The following LARP1B variants were observed in gnomAD, a reference collection of about 807,000 sequenced individuals.
The protein encoded by LARP1B is la-related protein 1B.
Under a neutral mutation model 114.2 loss-of-function variants are expected in LARP1B, and 76 were observed. The observed-to-expected ratio is 0.67, with a 90% CI of 0.55 to 0.81. The LOEUF (loss-of-function observed/expected upper bound fraction) is 0.81, where lower values mean the gene tolerates loss of function less well. Ranked by LOEUF, LARP1B falls within the 30% of genes least tolerant of loss-of-function variation. LARP1B has a pLI of 0.00. For synonymous variants in LARP1B, 345 were observed against 348.0 expected (o/e 0.99, Z 0.10); for missense variants, 1,014 against 1,075.8 (o/e 0.94, Z 0.80).
intron 1 of LARP1B, among the ~76,000 whole-genome samples, chr4:128,071,666 C>T (rs1765423959): frequency 6.6e-6 from 1 of 150,662 alleles, no homozygotes; most frequent in African/African-American, 2.4e-5. Context: ...AGGTGATCCA[C>T]CTGCCTCAGC....
In LARP1B at chr4:128,140,852, G is replaced by C. The variant is rs1264808670; in HGVS notation, c.1524+18664G>C. The stretch of plus-strand genomic sequence containing the variant: ...TTTTTTTTTGGCAGAGTCTTGCTCT[G>C]TCGCCCAGGCTAGAGTGCAGTGGCG... On this transcript the variant is annotated intron_variant, in intron 11 of 19. Coordinates refer to ENST00000326639, the MANE Select transcript of LARP1B (RefSeq NM_018078.4). 4.3e-4 allele frequency among the ~76,000 whole-genome samples: 62 copies of C among 143,480 alleles called. 1 individual carries two copies. Among genetic ancestry groups the C allele is most frequent in the Non-Finnish European group, 1.5e-5 (1 of 65,720 alleles). The allele number at this position is 143,480 out of a possible 152,430, so 94.1% of individuals were successfully genotyped here. A position where few individuals can be genotyped will look rare whatever the true frequency, so the allele number is the denominator to read the frequency against.
At chr4:128,160,436 G>T (rs772196891) in intron 11 of LARP1B, among the ~76,000 whole-genome samples, 1 of 152,144 alleles carries the variant, frequency 6.6e-6, no homozygotes, top group Non-Finnish European at 1.5e-5. Flanking sequence ...CTTCTAGGGT[G>T]CTAATAATTG....
chr4:128,078,092 C>T (rs1403755163), intron 4 of LARP1B, 130 bp downstream of exon 4: 9 of 582,812 alleles, frequency 1.5e-5, no homozygotes, highest in South Asian at 4.8e-5. Context: ...AAACAATCTG[C>T]AGAGGTAACT....
chr4:128,155,568 G>C (rs1327099970), intron 11 of LARP1B: 1 of 825,416 alleles, frequency 1.2e-6, no homozygotes, highest in Non-Finnish European at 2.2e-6. Context: ...ATTTTCTGGG[G>C]CCCAGCAGTT....
At chr4:128,062,572 T>C (rs1760634590) in intron 1 of LARP1B, among the ~76,000 whole-genome samples, 1 of 143,250 alleles carries the variant, frequency 7.0e-6, no homozygotes, top group Non-Finnish European at 1.5e-5. Context: ...CAGTGCTTCG[T>C]ATGGGAAAGT....
At chr4:128,165,125 TA>T (rs1740205894) in intron 12 of LARP1B, among the ~76,000 whole-genome samples, 1 of 151,868 alleles carries the variant, frequency 6.6e-6, no homozygotes, top group Non-Finnish European at 1.5e-5. Context: ...ATTATTAATA[TA>T]AAAAATTAAT....
intron 10 of LARP1B, among the ~76,000 whole-genome samples, chr4:128,121,436 C>T (rs1369059308): frequency 6.6e-6 from 1 of 152,268 alleles, no homozygotes; most frequent in African/African-American, 2.4e-5. Flanking sequence ...TCTCCTGCCT[C>T]AGCCTCCCGA....
At chr4:128,168,984 A>G (rs1172468157) in intron 12 of LARP1B, among the ~76,000 whole-genome samples, 1 of 152,150 alleles carries the variant, frequency 6.6e-6, no homozygotes, top group Non-Finnish European at 1.5e-5. Flanking sequence ...TTTATTTAAG[A>G]AACATAAGAC....
intron 9 of LARP1B, among the ~76,000 whole-genome samples, chr4:128,114,180 AT>A (rs1362458982): frequency 6.6e-6 from 1 of 152,190 alleles, no homozygotes; most frequent in Admixed American, 6.5e-5. Flanking sequence ...TAAGATGTGC[AT>A]TTAGCTTAAC....
At chr4:128,091,540 G>T in intron 7 of LARP1B, 28 bp downstream of exon 7, 1 of 1,540,046 alleles carries the variant, frequency 6.5e-7, no homozygotes. Context: ...GTAAGCAGAC[G>T]GGATAGCAAA....
intron 11 of LARP1B, among the ~76,000 whole-genome samples, chr4:128,126,906 G>A (rs746170026): frequency 3.4e-4 from 51 of 151,720 alleles, no homozygotes; most frequent in Non-Finnish European, 5.1e-4. Context: ...CAGAATGAAA[G>A]GGTAGAGAGA....
chr4:128,114,870 T>C lies in LARP1B; in HGVS notation c.1161+128T>C, dbSNP rs551916103. ...TAGCACAATTTTAACTTTGTAATTG[T>C]TGGCCTTCAGTAGACACTTATGGGT... On this transcript the variant is annotated intron_variant, in intron 10 of 19. Coordinates refer to ENST00000326639, the MANE Select transcript of LARP1B (RefSeq NM_018078.4). 3 of 729,600 alleles carry C rather than the reference T, an allele frequency of 4.1e-6. No homozygotes were observed. In the East Asian group the frequency reaches 8.0e-5, roughly 19 times the overall value. The allele number at this position is 729,600 out of a possible 1,614,324, so 45.2% of individuals were successfully genotyped here.
intron 9 of LARP1B, chr4:128,107,637 A>G: frequency 1.4e-6 from 2 of 1,415,054 alleles, no homozygotes; most frequent in Non-Finnish European, 1.8e-6. Context: ...TTGGAATAGT[A>G]TGATTGGATT....
At chr4:128,213,426 A>C (rs1296843098), downstream of LARP1B, among the ~76,000 whole-genome samples, 1 of 152,092 alleles carries the variant, frequency 6.6e-6, no homozygotes, top group Non-Finnish European at 1.5e-5. Flanking sequence ...GAGTGTTTTC[A>C]CTTATCAAGA....
chr4:128,176,062 A>G (rs895238358), intron 12 of LARP1B, among the ~76,000 whole-genome samples: 2 of 148,504 alleles, frequency 1.3e-5, no homozygotes, highest in Non-Finnish European at 3.0e-5. Flanking sequence ...TCATGTTTTT[A>G]TCTCTAGGAT....
chr4:128,136,324 A>C (rs1007619113), intron 11 of LARP1B, among the ~76,000 whole-genome samples: 5 of 151,656 alleles, frequency 3.3e-5, no homozygotes, highest in East Asian at 3.9e-4. Context: ...AGAAAAACAA[A>C]AAAACAAAAA....
intron 11 of LARP1B, chr4:128,123,470 A>G (rs1176486898): frequency 2.7e-5 from 21 of 792,374 alleles, no homozygotes; most frequent in Admixed American, 1.3e-4. Context: ...CCCATTCTCT[A>G]TCCCTTTACC....
Position 128,107,620 on chromosome 4 carries a change from T to C in LARP1B, c.988+307T>C, listed in dbSNP as rs1055113276. On this transcript the variant is annotated intron_variant, in intron 9 of 19. Coordinates refer to ENST00000326639, the MANE Select transcript of LARP1B (RefSeq NM_018078.4). ...ACTATAGATATGTATCGTTTTCCCC[T>C]GTAAAATTGGAATAGTATGATTGGA... The C allele has an allele frequency of 1.4e-5, 19 of 1,400,754 alleles. 1 individual carries two copies. In the African/African-American group the frequency reaches 2.0e-4, roughly 15 times the overall value. 86.8% of individuals were successfully genotyped at this position (1,400,754 alleles called of 1,614,324 possible).
At chr4:128,081,253 AT>A (rs1770257488) in intron 4 of LARP1B, among the ~76,000 whole-genome samples, 1 of 149,538 alleles carries the variant, frequency 6.7e-6, no homozygotes, top group African/African-American at 2.5e-5. Flanking sequence ...TGATTTTTGT[AT>A]TTTTAGTAGA....
Sources: gnomAD v4.1 joint callset for allele counts (sites outside exome capture counted in the v4.1 genomes callset) on GRCh38, gnomAD v4.1.1 for gene constraint, MANE v1.5 for transcripts, NCBI Gene and HGNC (gene_info 2026-07-23, HGNC 2026-07-21) for gene names.